PTGER4: variants seen among roughly 807,000 people sequenced by gnomAD.
PTGER4 encodes prostaglandin E2 receptor EP4 subtype.
In PTGER4, 11 loss-of-function variants were observed where a neutral mutation model predicts 33.2. That is an observed-to-expected ratio of 0.33 (90% CI 0.21 to 0.55). The LOEUF (loss-of-function observed/expected upper bound fraction) is 0.55, where lower values mean the gene tolerates loss of function less well. Ranked by LOEUF, PTGER4 falls within the 20% of genes least tolerant of loss-of-function variation. PTGER4 has a pLI of 0.92. For synonymous variants in PTGER4, 275 were observed against 281.5 expected (o/e 0.98, Z 0.23); for missense variants, 481 against 650.2 (o/e 0.74, Z 2.83).
chr5:40,722,137 G>T, the PTGER4 span, among the ~76,000 whole-genome samples: 7 of 151,436 alleles, frequency 4.6e-5, no homozygotes, highest in East Asian at 1.2e-3. Flanking sequence ...CCCGGGAGGC[G>T]GAGGTTGCAG....
At chr5:40,740,973 G>C in the PTGER4 span, among the ~76,000 whole-genome samples, 1 of 151,842 alleles carries the variant, frequency 6.6e-6, no homozygotes, top group Admixed American at 6.6e-5. Flanking sequence ...CATTATGTTT[G>C]TTTCCCTTTA....
At chr5:40,710,615 G>A in the PTGER4 span, among the ~76,000 whole-genome samples, 1 of 152,160 alleles carries the variant, frequency 6.6e-6, no homozygotes, top group Admixed American at 6.5e-5. Context: ...CTGCTATAAA[G>A]ACACATGCAC....
the PTGER4 span, among the ~76,000 whole-genome samples, chr5:40,746,578 C>T: frequency 1.3e-5 from 2 of 152,104 alleles, no homozygotes; most frequent in Non-Finnish European, 2.9e-5. Context: ...AATTAGCATC[C>T]TGAAAACTAT....
chr5:40,730,364 T>G, the PTGER4 span: 1 of 1,592,322 alleles, frequency 6.3e-7, no homozygotes, highest in Non-Finnish European at 8.6e-7. Flanking sequence ...TAAAGTTATA[T>G]CAATGCCATA....
the PTGER4 span, among the ~76,000 whole-genome samples, chr5:40,723,137 CA>C: frequency 6.6e-6 from 1 of 152,056 alleles, no homozygotes; most frequent in Non-Finnish European, 1.5e-5. Context: ...ACCTTACCCC[CA>C]ACCCCGTGCT....
downstream of PTGER4, among the ~76,000 whole-genome samples, chr5:40,697,788 A>G (rs991013959): frequency 6.6e-6 from 1 of 151,902 alleles, no homozygotes; most frequent in Non-Finnish European, 1.5e-5. Flanking sequence ...TAAACATAAT[A>G]TACAAGGTGA....
At chr5:40,700,710 A>G in the PTGER4 span, among the ~76,000 whole-genome samples, 1 of 152,208 alleles carries the variant, frequency 6.6e-6, no homozygotes, top group Non-Finnish European at 1.5e-5. Flanking sequence ...ATTGCCCCAG[A>G]GCTGCAGTAG....
chr5:40,698,764 A>G, the PTGER4 span, among the ~76,000 whole-genome samples: 1 of 152,218 alleles, frequency 6.6e-6, no homozygotes. Flanking sequence ...AAGTGGTAAG[A>G]AGACAAAGAA....
Position 40,680,848 on chromosome 5 carries a change from T to TC in PTGER4, c.-43-99dup. On this transcript the variant is annotated intron_variant, in intron 1 of 2. Transcript: ENST00000302472. The surrounding 1 kb of genome is among the most constrained non-coding windows in gnomAD (Gnocchi z 5.5). ...AATCCAGAAAGTAGGATCGAGTTGC[T>TC]CCCCTTGTCTTATCAGTGTATCGTT... is the stretch of plus-strand genomic sequence containing the variant. The TC allele has an allele frequency of 9.6e-7, 1 of 1,042,546 alleles. No homozygotes were observed. The highest frequency in any genetic ancestry group is 1.4e-6 in the Non-Finnish European group (1 of 719,576). 64.6% of individuals were successfully genotyped at this position (1,042,546 alleles called of 1,614,324 possible).
the PTGER4 span, chr5:40,714,507 CA>C: frequency 4.2e-3 from 633 of 152,234 alleles, 3 homozygotes; most frequent in African/African-American, 0.015. Flanking sequence ...ACAAATTACA[CA>C]AAAAACAAAC....
the PTGER4 span, among the ~76,000 whole-genome samples, chr5:40,739,000 C>CT: frequency 3.9e-5 from 6 of 152,176 alleles, no homozygotes; most frequent in Admixed American, 2.0e-4. Flanking sequence ...TGTGGCCTGA[C>CT]TTTTCATGTT....
chr5:40,696,205 A>G (rs997262809), downstream of PTGER4, among the ~76,000 whole-genome samples: 16 of 152,232 alleles, frequency 1.1e-4, no homozygotes, highest in African/African-American at 3.9e-4. Flanking sequence ...GACATGGAAA[A>G]ATCAAGGCAC....
downstream of PTGER4, chr5:40,696,816 G>A (rs1741590549): frequency 1.5e-6 from 1 of 678,678 alleles, no homozygotes; most frequent in Non-Finnish European, 1.8e-6. Context: ...ATACAAAGGA[G>A]GAGCAAAAAG....
the PTGER4 span, among the ~76,000 whole-genome samples, chr5:40,705,610 A>T: frequency 6.6e-6 from 1 of 152,218 alleles, no homozygotes; most frequent in Non-Finnish European, 1.5e-5. Context: ...ATCTATAAGG[A>T]ACTTAAACAA....
At chr5:40,703,902 C>CAAAAAA in the PTGER4 span, among the ~76,000 whole-genome samples, 1 of 37,264 alleles carries the variant, frequency 2.7e-5, no homozygotes, top group African/African-American at 9.8e-5. Flanking sequence ...GACGCCGTCT[C>CAAAAAA]AAAAAAAAAA....
Position 40,692,740 on chromosome 5 carries a change from G to T in PTGER4, c.*362G>T, listed in dbSNP as rs901581857. The stretch of plus-strand genomic sequence containing the variant: ...CAGCAGAGGCCCAGATATTAGAAAG[G>T]CTCTATTCCAATAAACTATGAGGAC... On this transcript the variant is annotated 3_prime_UTR_variant, in exon 3 of 3. Coordinates refer to ENST00000302472, the MANE Select transcript of PTGER4 (RefSeq NM_000958.3). The T allele has an allele frequency of 4.9e-6, 5 of 1,014,724 alleles. No homozygotes were observed. In the African/African-American group the frequency reaches 8.6e-5, roughly 17 times the overall value. 62.9% of individuals were successfully genotyped at this position (1,014,724 alleles called of 1,614,324 possible).
the PTGER4 span, among the ~76,000 whole-genome samples, chr5:40,739,932 G>C: frequency 9.2e-5 from 14 of 151,762 alleles, no homozygotes; most frequent in Non-Finnish European, 2.9e-5. Context: ...TACTACAAAT[G>C]GTGCTTTTTT....
chr5:40,725,742 C>G, the PTGER4 span, among the ~76,000 whole-genome samples: 5 of 151,552 alleles, frequency 3.3e-5, no homozygotes, highest in Admixed American at 1.3e-4. Context: ...CATCCCCATT[C>G]CCTCATACAG....
chr5:40,692,547 C>T lies in PTGER4; in HGVS notation c.*169C>T, dbSNP rs1446449276. 4.1e-5 allele frequency: 58 copies of T among 1,420,488 alleles called. No homozygotes were observed. The highest frequency in any genetic ancestry group is 5.1e-5 in the East Asian group (2 of 39,212). 88.0% of individuals were successfully genotyped at this position (1,420,488 alleles called of 1,614,324 possible). ...CTTTTCAAACAATCAAGTTGACTCA[C>T]GTGGGTCCTGAGGCCTGCAGCACGT... On this transcript the variant is annotated 3_prime_UTR_variant, in exon 3 of 3. Coordinates refer to ENST00000302472, the MANE Select transcript of PTGER4 (RefSeq NM_000958.3).
Sources: gnomAD v4.1 joint callset for allele counts (sites outside exome capture counted in the v4.1 genomes callset) on GRCh38, gnomAD v4.1.1 for gene constraint, Gnocchi (gnomAD v3.1) non-coding constraint, MANE v1.5 for transcripts, NCBI Gene and HGNC (gene_info 2026-07-23, HGNC 2026-07-21) for gene names.